Variants in MTUS1 observed in about 807,000 individuals in gnomAD.
The protein encoded by MTUS1 is microtubule-associated tumor suppressor 1.
MTUS1 carries 109 observed loss-of-function variants against 120.8 expected under a neutral mutation model. The observed-to-expected ratio is 0.90, with a 90% confidence interval of 0.77 to 1.06. MTUS1 has a LOEUF of 1.06. MTUS1 is among the 50% of genes least tolerant of loss of function. The pLI is 0.00. For missense variants in MTUS1, 2,210 were observed against 1,486.3 expected (o/e 1.49, Z -8.01); for synonymous variants, 737 against 550.5 (o/e 1.34, Z -4.74).
At chr8:17,730,507 G>C (rs946653265) in intron 3 of MTUS1, among the ~76,000 whole-genome samples, 1 of 129,644 alleles carries the variant, frequency 7.7e-6, no homozygotes, top group African/African-American at 2.9e-5. Flanking sequence ...AAAAAAAAAA[G>C]TGAAAGACTT....
At chr8:17,748,582 C>A (rs897820643) in intron 2 of MTUS1, among the ~76,000 whole-genome samples, 1 of 152,202 alleles carries the variant, frequency 6.6e-6, no homozygotes, top group African/African-American at 2.4e-5. Flanking sequence ...CTGTAGCATG[C>A]CCTCTGGGGC....
At chr8:17,753,257 C>A (rs1191785522) in intron 2 of MTUS1, among the ~76,000 whole-genome samples, 2 of 152,182 alleles carry the variant, frequency 1.3e-5, no homozygotes, top group African/African-American at 2.4e-5. Context: ...GAGGGCTCTA[C>A]TTCCCAGAGC....
intron 6 of MTUS1, among the ~76,000 whole-genome samples, chr8:17,695,291 G>C (rs543141360): frequency 6.6e-6 from 1 of 152,120 alleles, no homozygotes; most frequent in South Asian, 2.1e-4. Flanking sequence ...CAAAATTACA[G>C]CAAAATTTGC....
At chr8:17,780,209 G>A (rs1178014349) in intron 1 of MTUS1, among the ~76,000 whole-genome samples, 2 of 151,980 alleles carry the variant, frequency 1.3e-5, no homozygotes, top group African/African-American at 2.4e-5. Context: ...AAAAAAGTGT[G>A]GTACCTCCCC....
At chr8:17,652,746 G>C (rs944564363) in intron 12 of MTUS1, among the ~76,000 whole-genome samples, 1 of 151,752 alleles carries the variant, frequency 6.6e-6, no homozygotes, top group African/African-American at 2.4e-5. Context: ...TGAGGCAGGA[G>C]ACTCGCTTGA....
At chr8:17,674,603 G>A in intron 8 of MTUS1, 1 of 986,308 alleles carries the variant, frequency 1.0e-6, no homozygotes, top group Non-Finnish European at 1.2e-6. Context: ...GGTGGTGGGT[G>A]TTGAGACATG....
At chr8:17,654,348 A>G in intron 10 of MTUS1, 1 of 572,146 alleles carries the variant, frequency 1.7e-6, no homozygotes, top group African/African-American at 1.9e-5. Context: ...ATCCTATTTA[A>G]CACAAGGCTG....
At chr8:17,718,942 G>A (rs1299311824) in intron 4 of MTUS1, among the ~76,000 whole-genome samples, 2 of 151,460 alleles carry the variant, frequency 1.3e-5, no homozygotes, top group Non-Finnish European at 2.9e-5. Flanking sequence ...AGACAAGGTG[G>A]GCAGATCACT....
intron 1 of MTUS1, among the ~76,000 whole-genome samples, chr8:17,797,177 T>C (rs2052311146): frequency 1.3e-5 from 2 of 151,824 alleles, no homozygotes; most frequent in Non-Finnish European, 2.9e-5. Flanking sequence ...TCTGGGAGGC[T>C]GAAGTGGGAG....
chr8:17,655,517 A>G (rs1808007078), intron 9 of MTUS1, among the ~76,000 whole-genome samples: 1 of 152,140 alleles, frequency 6.6e-6, no homozygotes. Flanking sequence ...TGAGGTTGGG[A>G]GTTTGAGACC....
chr8:17,777,863 C>G (rs2050578642), intron 1 of MTUS1, among the ~76,000 whole-genome samples: 2 of 152,044 alleles, frequency 1.3e-5, no homozygotes, highest in Non-Finnish European at 1.5e-5. Context: ...AAAATGTTGA[C>G]AAGAAGGAAT....
chr8:17,658,908 G>A (rs1200850310), intron 8 of MTUS1, among the ~76,000 whole-genome samples: 1 of 151,998 alleles, frequency 6.6e-6, no homozygotes, highest in African/African-American at 2.4e-5. Context: ...GTCTGCCAAA[G>A]AGAACCCTTA....
At chr8:17,729,490 A>T (rs1253632325) in intron 3 of MTUS1, among the ~76,000 whole-genome samples, 1 of 152,226 alleles carries the variant, frequency 6.6e-6, no homozygotes, top group Non-Finnish European at 1.5e-5. Context: ...GAAATCCCTT[A>T]CTTTGGTAAC....
intron 8 of MTUS1, chr8:17,663,927 G>A (rs1810339019): frequency 6.6e-6 from 1 of 152,216 alleles, no homozygotes; most frequent in Non-Finnish European, 1.5e-5. Flanking sequence ...TTAAAGTGGA[G>A]ATATTATTAG....
chr8:17,675,688 A>C (rs944042939), intron 7 of MTUS1, among the ~76,000 whole-genome samples: 8 of 152,242 alleles, frequency 5.3e-5, no homozygotes, highest in African/African-American at 1.9e-4. Context: ...TTTGCACATA[A>C]AAAAGTTTCG....
chr8:17,744,779 C>T (rs1240034807), intron 2 of MTUS1, among the ~76,000 whole-genome samples: 5 of 145,922 alleles, frequency 3.4e-5, no homozygotes, highest in Non-Finnish European at 7.4e-5. Flanking sequence ...CTCCACACTT[C>T]GTGATCTGCC....
Position 17,649,891 on chromosome 8 carries a change from C to G in MTUS1, c.3456G>C (p.Glu1152Asp). Reference protein sequence around the residue: ...SLKAVLEIKNEKLHQQDIKLM... With the variant: ...SLKAVLEIKNDKLHQQDIKLM... ...ACTTGATGTCCTGTTGATGCAGTTT[C>G]TCATTCTTGATCTCTAACACAGCTT... The change falls in exon 13 of 15, where the codon GAG (glutamate) becomes GAC (aspartate). Residue 1152 changes from glutamate to aspartate, a missense_variant. By Grantham distance (45) the Glu-to-Asp change is conservative (BLOSUM62 2). Coordinates refer to ENST00000693296, the MANE Select transcript of MTUS1 (RefSeq NM_001363059.2). 1 of 1,611,006 alleles carries G rather than the reference C, an allele frequency of 6.2e-7. No homozygotes were observed. The highest frequency in any genetic ancestry group is 8.5e-7 in the Non-Finnish European group (1 of 1,177,414).
chr8:17,721,872 A>C (rs1464020521), intron 4 of MTUS1: 1 of 1,614,006 alleles, frequency 6.2e-7, no homozygotes, highest in African/African-American at 1.3e-5. Flanking sequence ...CAGTTTCTGT[A>C]CAACTGCGAA....
chr8:17,702,470 G>C (rs1242754873), intron 6 of MTUS1, among the ~76,000 whole-genome samples: 2 of 151,952 alleles, frequency 1.3e-5, no homozygotes, highest in Non-Finnish European at 2.9e-5. Context: ...GTTAACTGTA[G>C]GCACAATGCT....
Sources: allele counts gnomAD v4.1 joint callset (sites outside exome capture counted in the v4.1 genomes callset), GRCh38; gene constraint gnomAD v4.1.1; transcripts MANE v1.5; gene names NCBI Gene and HGNC (gene_info 2026-07-23, HGNC 2026-07-21).